Variants in CTDSPL2 observed in about 807,000 individuals in gnomAD.
CTDSPL2 encodes the protein CTD small phosphatase like 2.
Under a neutral mutation model 60.0 loss-of-function variants are expected in CTDSPL2, and 5 were observed. The observed-to-expected ratio is 0.08, with a 90% CI of 0.04 to 0.18. The LOEUF (loss-of-function observed/expected upper bound fraction) is 0.18, where lower values mean the gene tolerates loss of function less well. CTDSPL2 is among the 10% of genes least tolerant of loss of function. The pLI, the probability that CTDSPL2 is intolerant of heterozygous loss-of-function variation, is 1.00. For synonymous variants in CTDSPL2, 186 were observed against 189.3 expected, an observed-to-expected ratio of 0.98 and a Z score of 0.14; for missense variants, 370 against 548.8, an observed-to-expected ratio of 0.67 and a Z score of 3.26.
intron 1 of CTDSPL2, among the ~76,000 whole-genome samples, chr15:44,454,125 G>A (rs2140676683): frequency 6.6e-6 from 1 of 152,276 alleles, no homozygotes; most frequent in South Asian, 2.1e-4. Flanking sequence ...ATTCTAACTG[G>A]TGTTGAGATG....
At chr15:44,512,617 A>G (rs1268683400) in intron 8 of CTDSPL2, among the ~76,000 whole-genome samples, 3 of 152,228 alleles carry the variant, frequency 2.0e-5, no homozygotes, top group Admixed American at 6.5e-5. Context: ...GTGGTTTTCA[A>G]TCAAGGCTAC....
intron 5 of CTDSPL2, among the ~76,000 whole-genome samples, chr15:44,493,701 G>T (rs971352433): frequency 1.3e-5 from 2 of 152,174 alleles, no homozygotes; most frequent in Non-Finnish European, 2.9e-5. Flanking sequence ...TTGAAGGGCT[G>T]AGGTGGGAGG....
chr15:44,450,041 C>T (rs1197688669), intron 1 of CTDSPL2, among the ~76,000 whole-genome samples: 4 of 151,602 alleles, frequency 2.6e-5, no homozygotes, highest in Non-Finnish European at 5.9e-5. Flanking sequence ...AATAATGATC[C>T]TTATGTCTCC....
chr15:44,435,920 A>G (rs1267582967), intron 1 of CTDSPL2, among the ~76,000 whole-genome samples: 2 of 152,220 alleles, frequency 1.3e-5, no homozygotes, highest in Non-Finnish European at 1.5e-5. Flanking sequence ...TTGATATTTT[A>G]TATAATGCTC....
chr15:44,427,918 C>T (rs917059922), intron 1 of CTDSPL2, 146 bp downstream of exon 1: 4 of 372,652 alleles, frequency 1.1e-5, no homozygotes, highest in African/African-American at 2.1e-5. Flanking sequence ...TTTGGCGCCT[C>T]GTACGTCCAC....
At chr15:44,432,666 C>G (rs934689903) in intron 1 of CTDSPL2, among the ~76,000 whole-genome samples, 6 of 152,016 alleles carry the variant, frequency 3.9e-5, no homozygotes, top group Non-Finnish European at 7.4e-5. Context: ...GTCTCCCAGG[C>G]TGCAGTGCAG....
Position 44,525,663 on chromosome 15 carries a change from T to A in CTDSPL2, c.*1489T>A. 2.5e-6 allele frequency: 1 copy of A among 394,190 alleles called. No homozygotes were observed. Among genetic ancestry groups the A allele is most frequent in the Non-Finnish European group, 4.5e-6 (1 of 223,286 alleles). The allele number at this position is 394,190 out of a possible 1,614,324, so 24.4% of individuals were successfully genotyped here. On this transcript the variant is annotated 3_prime_UTR_variant, in exon 13 of 13. Transcript: ENST00000260327. ...TTAATTTTTTATGTATATTACCTGT[T>A]TACTTGTACAACTTACTGTACAAAT...
intron 1 of CTDSPL2, chr15:44,448,661 A>G (rs552290517): frequency 1.5e-4 from 49 of 328,028 alleles, no homozygotes; most frequent in African/African-American, 1.1e-3. Context: ...TTTATTCTAA[A>G]TCCATGCCCT....
chr15:44,441,768 G>T (rs992935683), intron 1 of CTDSPL2, among the ~76,000 whole-genome samples: 1 of 152,092 alleles, frequency 6.6e-6, no homozygotes, highest in African/African-American at 2.4e-5. Flanking sequence ...TTGTTAGGCT[G>T]GTGGTGGCAT....
At chr15:44,521,475 A>G (rs896291001) in intron 12 of CTDSPL2, 69 bp downstream of exon 12, 1 of 883,116 alleles carries the variant, frequency 1.1e-6, no homozygotes, top group Non-Finnish European at 1.8e-6. Context: ...ATATTTTTAA[A>G]TGTCTTTGCT....
intron 11 of CTDSPL2, chr15:44,520,703 C>T (rs1215971139): frequency 6.6e-6 from 1 of 152,224 alleles, no homozygotes; most frequent in Non-Finnish European, 1.5e-5. Flanking sequence ...TCCTCCATCT[C>T]ATATACAACA....
At chr15:44,475,466 C>T (rs1339965371) in intron 2 of CTDSPL2, among the ~76,000 whole-genome samples, 2 of 152,018 alleles carry the variant, frequency 1.3e-5, no homozygotes, top group Admixed American at 6.6e-5. Flanking sequence ...TGGTGAAACC[C>T]CATCTCTACT....
intron 8 of CTDSPL2, among the ~76,000 whole-genome samples, chr15:44,501,714 A>C (rs1476260943): frequency 1.3e-5 from 2 of 152,170 alleles, no homozygotes; most frequent in Non-Finnish European, 2.9e-5. Context: ...TGAACCTTAT[A>C]AGCTATAGAG....
chr15:44,509,098 A>G (rs575818877), intron 8 of CTDSPL2, among the ~76,000 whole-genome samples: 2 of 152,350 alleles, frequency 1.3e-5, no homozygotes, highest in South Asian at 2.1e-4. Context: ...TTGAAATTAT[A>G]TAATTCGATG....
At chr15:44,443,748 A>T (rs753317077) in intron 1 of CTDSPL2, among the ~76,000 whole-genome samples, 2 of 152,030 alleles carry the variant, frequency 1.3e-5, no homozygotes, top group African/African-American at 4.8e-5. Flanking sequence ...TCCTTTGCAC[A>T]TTTTTGAATC....
intron 8 of CTDSPL2, among the ~76,000 whole-genome samples, chr15:44,506,570 C>T (rs538947313): frequency 2.4e-4 from 37 of 151,640 alleles, no homozygotes; most frequent in African/African-American, 8.7e-4. Flanking sequence ...CAGGAATGTG[C>T]CACCATGCCC....
At chr15:44,485,615 G>A (rs747944980) in intron 3 of CTDSPL2, among the ~76,000 whole-genome samples, 20 of 152,240 alleles carry the variant, frequency 1.3e-4, no homozygotes, top group Non-Finnish European at 2.4e-4. Flanking sequence ...GTTAATGCTT[G>A]TTCACCTCCT....
Position 44,436,035 on chromosome 15 carries a change from A to G in CTDSPL2, c.-25+8263A>G, listed in dbSNP as rs1367255453. ...CCTCCTCCTTTTATAATGAAGGCTT[A>G]TGGAAGTAGTGGAGAGTAAAGGTGG... On this transcript the variant is annotated intron_variant, in intron 1 of 12. Coordinates refer to ENST00000260327, the MANE Select transcript of CTDSPL2 (RefSeq NM_016396.3). Among the ~76,000 whole-genome samples, 8 of 152,204 alleles carry G rather than the reference A, an allele frequency of 5.3e-5. No individual in the cohort carries two copies. In the East Asian group the frequency reaches 1.5e-3, roughly 29 times the overall value.
At chr15:44,435,666 G>C (rs1595690704) in intron 1 of CTDSPL2, among the ~76,000 whole-genome samples, 1 of 150,328 alleles carries the variant, frequency 6.7e-6, no homozygotes, top group East Asian at 2.0e-4. Flanking sequence ...GAGCGCAGTG[G>C]CGCAATCTGA....
Sources: gnomAD v4.1 joint callset for allele counts (sites outside exome capture counted in the v4.1 genomes callset) on GRCh38, gnomAD v4.1.1 for gene constraint, MANE v1.5 for transcripts, NCBI Gene and HGNC (gene_info 2026-07-23, HGNC 2026-07-21) for gene names.